MAP4: variants seen among roughly 807,000 people sequenced by gnomAD.
MAP4 encodes microtubule associated protein 4, also known as microtubule-associated protein 4.
Under a neutral mutation model 170.2 loss-of-function variants are expected in MAP4, and 76 were observed. The observed-to-expected ratio is 0.45, with a 90% CI of 0.37 to 0.54. MAP4 has a LOEUF of 0.54. MAP4 is among the 20% of genes least tolerant of loss of function. The probability of loss-of-function intolerance (pLI) is 0.00; values close to 1 mark genes in which losing one functional copy is unlikely to be tolerated. For synonymous variants in MAP4, 909 were observed against 994.5 expected, an observed-to-expected ratio of 0.91 and a Z score of 1.62; for missense variants, 2,506 against 2,748.0, an observed-to-expected ratio of 0.91 and a Z score of 1.97.
intron 5 of MAP4, 91 bp from the exon 6 acceptor site, chr3:47,918,932 GTTTGT>G: frequency 8.5e-7 from 1 of 1,173,766 alleles, no homozygotes. Context: ...GTTTTGTTTT[GTTTGT>G]TTTTTTTTTG....
chr3:47,876,234 C>T (rs556886939), intron 11 of MAP4, among the ~76,000 whole-genome samples: 11 of 150,892 alleles, frequency 7.3e-5, no homozygotes, highest in Non-Finnish European at 7.4e-5. Context: ...CAGGTTCAAG[C>T]GATTCTCCTG....
rs535214559 is a variant in MAP4, at chr3:47,867,990, G to A, written c.6409-652C>T. ...ACTTAGCCCATTTGTCTCAGGGCTC[G>A]AGAAGGCATAGTATTTTTGACTCAA... On this transcript the variant is annotated intron_variant, in intron 16 of 20. Transcript: ENST00000683076. Among the ~76,000 whole-genome samples the A allele has an allele frequency of 1.2e-4, 19 of 152,344 alleles. 1 individual carries two copies. Among genetic ancestry groups the A allele is most frequent in the Admixed American group, 3.3e-4 (5 of 15,302 alleles).
intron 12 of MAP4, among the ~76,000 whole-genome samples, chr3:47,872,862 CACAA>C (rs1371341268): frequency 6.6e-6 from 1 of 152,164 alleles, no homozygotes; most frequent in Admixed American, 6.5e-5. Context: ...ATTAAACATA[CACAA>C]ACAAAAACTA....
chr3:47,886,728 A>G (rs1577076456), intron 10 of MAP4, among the ~76,000 whole-genome samples: 1 of 152,198 alleles, frequency 6.6e-6, no homozygotes, highest in Non-Finnish European at 1.5e-5. Flanking sequence ...CATTACCTAT[A>G]CTACCACTGG....
At chr3:48,023,197 T>C (rs1480791426) in intron 1 of MAP4, among the ~76,000 whole-genome samples, 1 of 152,076 alleles carries the variant, frequency 6.6e-6, no homozygotes, top group African/African-American at 2.4e-5. Context: ...GGGAGCAGTT[T>C]ACTGAAAGAG....
intron 3 of MAP4, among the ~76,000 whole-genome samples, chr3:47,944,314 AC>A (rs1323302173): frequency 6.6e-6 from 1 of 152,012 alleles, no homozygotes; most frequent in Non-Finnish European, 1.5e-5. Context: ...TGTCTCAAAA[AC>A]AAAAACAAAA....
chr3:48,010,573 T>C (rs1017151619), intron 1 of MAP4, among the ~76,000 whole-genome samples: 4 of 152,140 alleles, frequency 2.6e-5, no homozygotes, highest in African/African-American at 4.8e-5. Context: ...TAAGATTACA[T>C]ACGATCTCAG....
intron 3 of MAP4, among the ~76,000 whole-genome samples, chr3:47,951,719 A>G (rs1183140990): frequency 3.3e-5 from 5 of 151,264 alleles, no homozygotes; most frequent in South Asian, 4.2e-4. Context: ...CCTCCCAGCC[A>G]CCTGCCTTGG....
chr3:48,007,784 T>C (rs549858126), intron 1 of MAP4, among the ~76,000 whole-genome samples: 53 of 151,926 alleles, frequency 3.5e-4, no homozygotes, highest in Non-Finnish European at 6.9e-4. Context: ...GCGATTCTCC[T>C]GCCTCAGCCT....
intron 20 of MAP4, 33 bp downstream of exon 20, chr3:47,853,130 T>A (rs754826125): frequency 1.9e-6 from 3 of 1,612,010 alleles, no homozygotes; most frequent in East Asian, 2.2e-5. Flanking sequence ...GCAGGGCCCC[T>A]GGCTGGCCCT....
At chr3:47,883,431 G>T (rs951765470) in intron 10 of MAP4, among the ~76,000 whole-genome samples, 12 of 151,472 alleles carry the variant, frequency 7.9e-5, no homozygotes, top group Non-Finnish European at 1.3e-4. Flanking sequence ...CTCCATGTTG[G>T]TCAGGCTGGT....
chr3:47,978,904 C>A (rs575255935), intron 2 of MAP4, among the ~76,000 whole-genome samples: 1 of 151,930 alleles, frequency 6.6e-6, no homozygotes, highest in Admixed American at 6.6e-5. Flanking sequence ...TGTTTATTTT[C>A]TTATTATTGA....
At chr3:48,023,816 A>G (rs1234289968) in intron 1 of MAP4, among the ~76,000 whole-genome samples, 1 of 152,184 alleles carries the variant, frequency 6.6e-6, no homozygotes, top group Non-Finnish European at 1.5e-5. Context: ...CACAAATGAA[A>G]CTACTAACAA....
At chr3:48,074,545 A>C (rs1309098752) in intron 1 of MAP4, among the ~76,000 whole-genome samples, 2 of 132,150 alleles carry the variant, frequency 1.5e-5, no homozygotes, top group Non-Finnish European at 3.1e-5. Flanking sequence ...ACAGAGGCTC[A>C]CTCTGTTGCC....
chr3:47,965,669 T>C (rs1437533509), intron 3 of MAP4, among the ~76,000 whole-genome samples: 1 of 152,226 alleles, frequency 6.6e-6, no homozygotes, highest in Non-Finnish European at 1.5e-5. Flanking sequence ...TGAGCATCTT[T>C]TCATGTATTT....
At chr3:47,878,935 C>T (rs1041194021) in intron 10 of MAP4, among the ~76,000 whole-genome samples, 1 of 152,170 alleles carries the variant, frequency 6.6e-6, no homozygotes, top group East Asian at 1.9e-4. Context: ...GGTATGTGAA[C>T]TGTATGACCC....
At chr3:48,054,247 G>A (rs539782844) in intron 1 of MAP4, among the ~76,000 whole-genome samples, 70 of 151,896 alleles carry the variant, frequency 4.6e-4, no homozygotes, top group Middle Eastern at 3.2e-3. Context: ...GCAGTGAGCC[G>A]AGATCGCGCC....
chr3:48,076,488 C>T (rs560172430), intron 1 of MAP4, among the ~76,000 whole-genome samples: 47 of 141,346 alleles, frequency 3.3e-4, no homozygotes, highest in African/African-American at 1.2e-3. Flanking sequence ...GGTGACAGAA[C>T]GAGACTACAT....
intron 3 of MAP4, among the ~76,000 whole-genome samples, chr3:47,931,258 T>C (rs1308107293): frequency 6.6e-6 from 1 of 151,852 alleles, no homozygotes; most frequent in Non-Finnish European, 1.5e-5. Context: ...ACGAGTGCCT[T>C]TAGTTTCAGC....
Sources: allele counts gnomAD v4.1 joint callset (sites outside exome capture counted in the v4.1 genomes callset), GRCh38; gene constraint gnomAD v4.1.1; transcripts MANE v1.5; gene names NCBI Gene and HGNC (gene_info 2026-07-23, HGNC 2026-07-21).